CDK5RAP3: variants seen among roughly 807,000 people sequenced by gnomAD.
The protein encoded by CDK5RAP3 is CDK5 regulatory subunit associated protein 3, also known as CDK5 regulatory subunit-associated protein 3.
A neutral mutation model predicts 73.3 loss-of-function variants in CDK5RAP3; 58 were observed. That is an observed-to-expected ratio of 0.79 (90% CI 0.64 to 0.98). CDK5RAP3 has a LOEUF of 0.98. CDK5RAP3 is among the 50% of genes least tolerant of loss of function. The probability of loss-of-function intolerance (pLI) is 0.00; values close to 1 mark genes in which losing one functional copy is unlikely to be tolerated. For missense variants in CDK5RAP3, 525 were observed against 615.8 expected (o/e 0.85, Z 1.56); for synonymous variants, 224 against 247.5 (o/e 0.91, Z 0.89).
intron 7 of CDK5RAP3, 60 bp downstream of exon 7, chr17:47,975,713 C>T: frequency 1.3e-6 from 2 of 1,567,594 alleles, no homozygotes; most frequent in Non-Finnish European, 1.7e-6. Flanking sequence ...CAGCTCATGA[C>T]CCTTCTCCAG....
In CDK5RAP3 at chr17:47,981,735, T is replaced by G. The variant is rs760525783; in HGVS notation, c.*233T>G. The G allele has an allele frequency of 3.0e-5, 45 of 1,519,408 alleles. No homozygotes were observed. In the Admixed American group the frequency reaches 8.9e-4, roughly 30 times the overall value. 94.1% of individuals were successfully genotyped at this position (1,519,408 alleles called of 1,614,324 possible). Reference sequence around the variant, plus strand: ...CGAAAACCACAGATTCTCCTTCTAGTTAGTATAGCGGACTTAATAAAAGAG... The same window carrying G: ...CGAAAACCACAGATTCTCCTTCTAGGTAGTATAGCGGACTTAATAAAAGAG... On this transcript the variant is annotated 3_prime_UTR_variant, in exon 14 of 14. Transcript: ENST00000338399.
chr17:47,975,161 G>C lies in CDK5RAP3; in HGVS notation c.337G>C (p.Glu113Gln). 1 of 1,614,108 alleles carries C rather than the reference G, an allele frequency of 6.2e-7. No homozygotes were observed. Among genetic ancestry groups the C allele is most frequent in the Non-Finnish European group, 8.5e-7 (1 of 1,180,014 alleles). The change falls in exon 6 of 14, where the codon GAA (glutamate) becomes CAA (glutamine). Residue 113 changes from glutamate (E) to glutamine (Q), a missense_variant and splice_region_variant. By Grantham distance (29) the Glu-to-Gln change is conservative (BLOSUM62 2). This residue lies in a region of CDK5RAP3 where 409 missense variants were observed against 429.8 expected (regional missense o/e 0.95). Coordinates refer to ENST00000338399, the MANE Select transcript of CDK5RAP3 (RefSeq NM_176096.3). Reference sequence around the variant, plus strand: ...TGAATTTCCTGGGCACTTCTCAGTGGAACTCTCTAGCCTCCTGGTTCGGAA... The same window carrying C: ...TGAATTTCCTGGGCACTTCTCAGTGCAACTCTCTAGCCTCCTGGTTCGGAA... Reference protein sequence around the residue: ...LYEKDNTYLVELSSLLVRNVN... With the variant: ...LYEKDNTYLVQLSSLLVRNVN...
intron 10 of CDK5RAP3, 58 bp from the exon 11 acceptor site, chr17:47,978,771 G>T: frequency 7.6e-7 from 1 of 1,315,552 alleles, no homozygotes; most frequent in Non-Finnish European, 1.1e-6. Context: ...CACACTTGAG[G>T]GTCTTTTCCT....
chr17:47,971,048 C>A (rs1391697878), upstream of CDK5RAP3: 3 of 1,545,180 alleles, frequency 1.9e-6, no homozygotes, highest in South Asian at 3.6e-5. Context: ...CGAAGGATGC[C>A]CGTTTGTGTC....
At position 47,975,336 on chromosome 17, in the gene CDK5RAP3, C is replaced by T. The variant is rs200358823; in HGVS notation, c.512C>T (p.Thr171Met). 1.2e-4 allele frequency: 200 copies of T among 1,613,096 alleles called. No homozygotes were observed. The highest frequency in any genetic ancestry group is 1.5e-4 in the Non-Finnish European group (176 of 1,179,376). Reference sequence around the variant, plus strand: ...CACTCCTGCAAGCAGTATGGCATCACGGTGAGCGGCGGCAGCCTCTTCGCA... The same window carrying T: ...CACTCCTGCAAGCAGTATGGCATCATGGTGAGCGGCGGCAGCCTCTTCGCA... The part of the protein sequence containing the change: ...FYHSCKQYGI[T>M]GENVRGELLA... The change falls in exon 6 of 14, where the codon ACG becomes ATG. Residue 171 changes from threonine (T) to methionine (M), a missense_variant and splice_region_variant. This residue lies in a region of CDK5RAP3 where 409 missense variants were observed against 429.8 expected (regional missense o/e 0.95). Coordinates refer to ENST00000338399, the MANE Select transcript of CDK5RAP3 (RefSeq NM_176096.3).
At chr17:47,971,037 C>A, upstream of CDK5RAP3, 1 of 1,533,240 alleles carries the variant, frequency 6.5e-7, no homozygotes, top group Admixed American at 2.0e-5. Flanking sequence ...GGCGACGTGG[C>A]CGAAGGATGC....
At chr17:47,972,240 C>T (rs1269687774) in intron 2 of CDK5RAP3, among the ~76,000 whole-genome samples, 1 of 152,146 alleles carries the variant, frequency 6.6e-6, no homozygotes, top group African/African-American at 2.4e-5. Flanking sequence ...TACTTCCTCC[C>T]CAGTTCATAG....
At chr17:47,971,708 G>A (rs1025490522) in intron 2 of CDK5RAP3, among the ~76,000 whole-genome samples, 1 of 152,184 alleles carries the variant, frequency 6.6e-6, no homozygotes, top group African/African-American at 2.4e-5. Flanking sequence ...GGTGGCTCAT[G>A]CCTGTAATCC....
At chr17:47,969,805 T>G (rs1392231791), upstream of CDK5RAP3, among the ~76,000 whole-genome samples, 1 of 152,052 alleles carries the variant, frequency 6.6e-6, no homozygotes, top group Admixed American at 6.5e-5. Flanking sequence ...CTGCACACTT[T>G]CCATCTGGGG....
At chr17:47,971,544 C>T in intron 2 of CDK5RAP3, 137 bp downstream of exon 2, 1 of 829,638 alleles carries the variant, frequency 1.2e-6, no homozygotes, top group Non-Finnish European at 1.8e-6. Flanking sequence ...TATGCCCCAT[C>T]TGTGGCCAGA....
At chr17:47,976,684 T>A in intron 8 of CDK5RAP3, 28 bp from the exon 9 acceptor site, 1 of 1,488,664 alleles carries the variant, frequency 6.7e-7, no homozygotes, top group Non-Finnish European at 9.4e-7. Context: ...CCATCTTCCA[T>A]GAGCTAACAC....
intron 4 of CDK5RAP3, 134 bp downstream of exon 4, chr17:47,974,165 A>G (rs1036527032): frequency 1.1e-5 from 8 of 735,940 alleles, no homozygotes; most frequent in South Asian, 3.4e-5. Context: ...CTCTGTCTCT[A>G]TAGTTTACTC....
chr17:47,976,064 C>A, intron 8 of CDK5RAP3, 51 bp downstream of exon 8: 1 of 1,580,076 alleles, frequency 6.3e-7, no homozygotes. Flanking sequence ...AGCTGCTTGT[C>A]CCCTCCCCAC....
In CDK5RAP3 at chr17:47,981,542, G is replaced by T; in HGVS notation, c.*40G>T. Reference sequence around the variant, plus strand: ...TTGCCTGCCCATCTTCTCCGCTTTTGGGATGAAGATGATAGCCAGGGCTGT... The same window carrying T: ...TTGCCTGCCCATCTTCTCCGCTTTTTGGATGAAGATGATAGCCAGGGCTGT... On this transcript the variant is annotated 3_prime_UTR_variant, in exon 14 of 14. Transcript: ENST00000338399. The T allele has an allele frequency of 6.2e-7, 1 of 1,614,134 alleles. No individual in the cohort carries two copies. Among genetic ancestry groups the T allele is most frequent in the South Asian group, 1.1e-5 (1 of 91,058 alleles).
intron 2 of CDK5RAP3, among the ~76,000 whole-genome samples, chr17:47,972,684 C>G (rs1485860333): frequency 6.6e-6 from 1 of 151,730 alleles, no homozygotes; most frequent in Non-Finnish European, 1.5e-5. Context: ...TTTTTTGTAC[C>G]AGGTGCTGTT....
rs377021097 is a variant in CDK5RAP3, at chr17:47,981,471, G to A, written c.1490G>A (p.Arg497His). The part of the protein sequence containing the change: ...EADISKRYSG[R>H]PVNLMGTSL Reference sequence around the variant, plus strand: ...GACATCTCCAAGAGGTACAGCGGGCGCCCTGTGAACCTGATGGGAACCTCT... The same window carrying A: ...GACATCTCCAAGAGGTACAGCGGGCACCCTGTGAACCTGATGGGAACCTCT... Residue 497 changes from arginine to histidine, a missense_variant, in exon 14 of 14, where the codon CGC becomes CAC. By Grantham distance (29) the Arg-to-His change is conservative (BLOSUM62 0). Coordinates refer to ENST00000338399, the MANE Select transcript of CDK5RAP3 (RefSeq NM_176096.3). 7.4e-6 allele frequency: 12 copies of A among 1,614,226 alleles called. No individual in the cohort carries two copies. Among genetic ancestry groups the A allele is most frequent in the African/African-American group, 1.3e-5 (1 of 75,058 alleles).
At position 47,974,532 on chromosome 17, in the gene CDK5RAP3, C is replaced by A. The variant is rs770664403; in HGVS notation, c.334+84C>A. 4 of 1,608,344 alleles carry A rather than the reference C, an allele frequency of 2.5e-6. No individual in the cohort carries two copies. The Admixed American group carries it at 6.7e-5, about 27-fold the overall frequency. On this transcript the variant is annotated intron_variant, in intron 5 of 13. Transcript: ENST00000338399. ...TGAGATACCAGGCTTATAGGAGGCA[C>A]AGTCTGTGAGTGGGAAGAGACTGGA...
chr17:47,970,819 T>G, upstream of CDK5RAP3: 1 of 1,426,364 alleles, frequency 7.0e-7, no homozygotes, highest in Non-Finnish European at 9.5e-7. Context: ...GGGAAGCGGC[T>G]GCCAGGCTGG....
intron 2 of CDK5RAP3, among the ~76,000 whole-genome samples, chr17:47,972,794 G>A (rs1188825176): frequency 6.6e-6 from 1 of 152,040 alleles, no homozygotes; most frequent in Non-Finnish European, 1.5e-5. Context: ...CCCTTTTCTA[G>A]TCAGTGTCTT....
Sources: allele counts gnomAD v4.1 joint callset (sites outside exome capture counted in the v4.1 genomes callset), GRCh38; gene constraint gnomAD v4.1.1; regional missense constraint gnomAD v4.1.1; transcripts MANE v1.5; gene names NCBI Gene and HGNC (gene_info 2026-07-23, HGNC 2026-07-21).